STIM1: variants seen among roughly 807,000 people sequenced by gnomAD.
The protein encoded by STIM1 is stromal interaction molecule 1.
A neutral mutation model predicts 74.7 loss-of-function variants in STIM1; 25 were observed. That is an observed-to-expected ratio of 0.33 (90% CI 0.24 to 0.47). STIM1 has a LOEUF of 0.47. Among genes scored for constraint, STIM1 ranks in the 20% least tolerant of loss-of-function variants. STIM1 has a pLI of 1.00. For missense variants in STIM1, 728 were observed against 920.8 expected (o/e 0.79, Z 2.71); for synonymous variants, 328 against 348.8 (o/e 0.94, Z 0.66).
At chr11:3,900,043 G>C (rs934650442) in intron 1 of STIM1, among the ~76,000 whole-genome samples, 2 of 152,134 alleles carry the variant, frequency 1.3e-5, no homozygotes, top group African/African-American at 4.8e-5. Flanking sequence ...AATTGAGTTA[G>C]GGAGGATTCC....
chr11:4,065,429 C>A (rs991386327), intron 5 of STIM1, among the ~76,000 whole-genome samples: 4 of 151,038 alleles, frequency 2.6e-5, no homozygotes, highest in Non-Finnish European at 4.4e-5. Flanking sequence ...ATGCTCAACT[C>A]TTTCCTCTTA....
chr11:4,033,789 C>T (rs1172524130), intron 3 of STIM1, among the ~76,000 whole-genome samples: 11 of 151,354 alleles, frequency 7.3e-5, no homozygotes, highest in Admixed American at 3.3e-4. Context: ...TTAGTAGAGA[C>T]GGGGTTTCAC....
chr11:4,088,567 G>A (rs1044340106), intron 12 of STIM1: 2 of 761,046 alleles, frequency 2.6e-6, no homozygotes, highest in African/African-American at 3.4e-5. Flanking sequence ...ATCAAATTGG[G>A]TTGGGGACAC....
chr11:3,898,306 T>G (rs911647909), intron 1 of STIM1, among the ~76,000 whole-genome samples: 4 of 138,078 alleles, frequency 2.9e-5, no homozygotes, highest in African/African-American at 5.6e-5. Context: ...GCTGCATAAA[T>G]GTCTTCTTTT....
At chr11:3,988,305 GT>G (rs1447528564) in intron 2 of STIM1, among the ~76,000 whole-genome samples, 1 of 152,036 alleles carries the variant, frequency 6.6e-6, no homozygotes, top group Non-Finnish European at 1.5e-5. Flanking sequence ...TCAGCAAACT[GT>G]TTTTTTCGTG....
At chr11:3,959,799 G>A (rs1038875164) in intron 1 of STIM1, among the ~76,000 whole-genome samples, 7 of 152,034 alleles carry the variant, frequency 4.6e-5, no homozygotes, top group African/African-American at 1.5e-4. Context: ...GATCAAAGCC[G>A]TTTCATAATA....
At chr11:3,985,354 A>G (rs1362609593) in intron 2 of STIM1, among the ~76,000 whole-genome samples, 2 of 151,564 alleles carry the variant, frequency 1.3e-5, no homozygotes, top group Non-Finnish European at 2.9e-5. Flanking sequence ...TTTTTTTTGT[A>G]TGTGTGTATA....
chr11:4,041,257 C>A (rs1448898661), intron 3 of STIM1, among the ~76,000 whole-genome samples: 2 of 152,142 alleles, frequency 1.3e-5, no homozygotes, highest in African/African-American at 4.8e-5. Flanking sequence ...TCATTTGTTT[C>A]CTTGTATATT....
chr11:3,877,607 C>T lies in STIM1; in HGVS notation c.139+21198C>T, dbSNP rs139048756. On this transcript the variant is annotated intron_variant, in intron 1 of 12. Transcript: ENST00000526596. The stretch of plus-strand genomic sequence containing the variant: ...TTGTAAATTCTCACATAAGGTAGAG[C>T]AGAGTGTGTTTGCTTGGGTTAATCA... Among the ~76,000 whole-genome samples the T allele has an allele frequency of 2.0e-3, 308 of 152,306 alleles. 1 individual carries two copies. Among genetic ancestry groups the T allele is most frequent in the Non-Finnish European group, 3.1e-3 (214 of 68,018 alleles).
chr11:4,000,369 G>C (rs1295196561), intron 2 of STIM1, among the ~76,000 whole-genome samples: 2 of 151,848 alleles, frequency 1.3e-5, no homozygotes, highest in Non-Finnish European at 2.9e-5. Context: ...ACATGGCCAG[G>C]TACTCCTCTG....
chr11:4,044,345 T>C (rs2094173540), intron 3 of STIM1, among the ~76,000 whole-genome samples: 1 of 152,248 alleles, frequency 6.6e-6, no homozygotes, highest in East Asian at 1.9e-4. Context: ...GTACTTGCTG[T>C]TGCCTTCTTC....
intron 1 of STIM1, among the ~76,000 whole-genome samples, chr11:3,900,983 G>A (rs1175346943): frequency 6.6e-6 from 1 of 152,226 alleles, no homozygotes; most frequent in African/African-American, 2.4e-5. Flanking sequence ...TTGAGGTCAG[G>A]AGTTCAAGAC....
In STIM1 at chr11:4,091,284, A is replaced by T; in HGVS notation, c.1637A>T (p.Asp546Val). The T allele has an allele frequency of 6.2e-7, 1 of 1,613,874 alleles. No homozygotes were observed. The highest frequency in any genetic ancestry group is 8.5e-7 in the Non-Finnish European group (1 of 1,180,012). ...CCTCTCTGCCCCATGTCTTGCAGGG[A>T]TTTGACCCATTCCGATTCGGAGTCC... ...EPQHGLGSQRDLTHSDSESSL... is the reference protein window; with the variant it reads ...EPQHGLGSQRVLTHSDSESSL... Residue 546 changes from aspartate to valine, a missense_variant and splice_region_variant, in exon 13 of 13, where the codon GAT (aspartate) becomes GTT (valine). By Grantham distance (152) the Asp-to-Val change is radical (BLOSUM62 -3). Transcript: ENST00000526596.
chr11:3,900,285 G>T (rs1365573141), intron 1 of STIM1, among the ~76,000 whole-genome samples: 1 of 152,180 alleles, frequency 6.6e-6, no homozygotes, highest in Non-Finnish European at 1.5e-5. Context: ...AAGCCCGTGG[G>T]AAAAGCGCAG....
intron 3 of STIM1, among the ~76,000 whole-genome samples, chr11:4,042,022 A>G (rs1215561641): frequency 6.6e-6 from 1 of 152,208 alleles, no homozygotes; most frequent in Non-Finnish European, 1.5e-5. Flanking sequence ...TTCTCTTGAG[A>G]TGTGGATTTG....
intron 1 of STIM1, among the ~76,000 whole-genome samples, chr11:3,935,150 GATTTCTC>G (rs1168170238): frequency 1.3e-5 from 2 of 152,192 alleles, no homozygotes; most frequent in Non-Finnish European, 2.9e-5. Context: ...CTTGTCCTGA[GATTTCTC>G]ATAGGGCTGA....
chr11:4,027,643 T>C (rs1479809203), intron 3 of STIM1, among the ~76,000 whole-genome samples: 1 of 152,210 alleles, frequency 6.6e-6, no homozygotes, highest in Non-Finnish European at 1.5e-5. Flanking sequence ...GCTACTTTCA[T>C]ATGACCCAGC....
intron 1 of STIM1, among the ~76,000 whole-genome samples, chr11:3,898,526 C>T (rs374635017): frequency 1.6e-4 from 21 of 133,030 alleles, no homozygotes; most frequent in South Asian, 5.0e-4. Context: ...TTAATTAGAT[C>T]CCATTTGTCA....
intron 3 of STIM1, among the ~76,000 whole-genome samples, chr11:4,038,711 A>G (rs969486028): frequency 6.6e-6 from 1 of 152,204 alleles, no homozygotes; most frequent in African/African-American, 2.4e-5. Flanking sequence ...CAGAAGTGTC[A>G]GCTGAATCTT....
Sources: gnomAD v4.1 joint callset for allele counts (sites outside exome capture counted in the v4.1 genomes callset) on GRCh38, gnomAD v4.1.1 for gene constraint, MANE v1.5 for transcripts, NCBI Gene and HGNC (gene_info 2026-07-23, HGNC 2026-07-21) for gene names.